CEP128: variants seen among roughly 807,000 people sequenced by gnomAD.
CEP128 encodes centrosomal protein 128kDa.
In CEP128, 132 loss-of-function variants were observed where a neutral mutation model predicts 156.7. The ratio of observed to expected loss-of-function variants is 0.84; its 90% CI spans 0.73 to 0.97. CEP128 has a LOEUF of 0.97. Ranked by LOEUF, CEP128 falls within the 50% of genes least tolerant of loss-of-function variation. The probability of loss-of-function intolerance (pLI) is 0.00; values close to 1 mark genes in which losing one functional copy is unlikely to be tolerated. For missense variants in CEP128, 1,252 were observed against 1,281.9 expected (o/e 0.98, Z 0.36); for synonymous variants, 469 against 448.9 (o/e 1.04, Z -0.57).
chr14:80,609,906 T>C (rs1892929941), intron 19 of CEP128, among the ~76,000 whole-genome samples: 1 of 152,070 alleles, frequency 6.6e-6, no homozygotes, highest in Admixed American at 6.5e-5. Flanking sequence ...AAAAACATTC[T>C]TCACTCTCCA....
At chr14:80,768,745 C>G (rs544502397) in intron 16 of CEP128, among the ~76,000 whole-genome samples, 1 of 152,248 alleles carries the variant, frequency 6.6e-6, no homozygotes, top group South Asian at 2.1e-4. Flanking sequence ...AGTTTGTTTC[C>G]ATAAACCAGA....
intron 8 of CEP128, among the ~76,000 whole-genome samples, chr14:80,871,303 CAA>C (rs1399170669): frequency 6.6e-6 from 1 of 151,974 alleles, no homozygotes; most frequent in African/African-American, 2.4e-5. Context: ...GCAGAGGGAC[CAA>C]CTTCATTGGA....
At chr14:80,511,136 G>A (rs1225676789) in intron 23 of CEP128, among the ~76,000 whole-genome samples, 1 of 151,456 alleles carries the variant, frequency 6.6e-6, no homozygotes, top group East Asian at 1.9e-4. Context: ...ATGAGTTTGG[G>A]AGTATTCCCT....
intron 19 of CEP128, among the ~76,000 whole-genome samples, chr14:80,652,795 T>C (rs1264500025): frequency 6.6e-6 from 1 of 152,176 alleles, no homozygotes; most frequent in Non-Finnish European, 1.5e-5. Context: ...TCCTCAAGGA[T>C]CTAGAATTAG....
chr14:80,557,592 TA>T (rs1368632325), intron 21 of CEP128, among the ~76,000 whole-genome samples: 3 of 152,198 alleles, frequency 2.0e-5, no homozygotes, highest in Non-Finnish European at 4.4e-5. Flanking sequence ...GGAAGAACAC[TA>T]AACATTTTAT....
At chr14:80,494,898 T>C (rs1049580726), downstream of CEP128, among the ~76,000 whole-genome samples, 9 of 152,152 alleles carry the variant, frequency 5.9e-5, no homozygotes, top group African/African-American at 2.2e-4. Flanking sequence ...CCAACTGGTT[T>C]TCAACCTTCC....
chr14:80,956,545 T>C (rs1183873213), intron 2 of CEP128, among the ~76,000 whole-genome samples: 2 of 152,214 alleles, frequency 1.3e-5, no homozygotes, highest in Admixed American at 1.3e-4. Context: ...CACAACCTGT[T>C]TCTTAACAGC....
At chr14:80,596,041 C>T (rs886410165) in intron 19 of CEP128, among the ~76,000 whole-genome samples, 1 of 130,184 alleles carries the variant, frequency 7.7e-6, no homozygotes, top group South Asian at 2.6e-4. Flanking sequence ...AGAGCCAAAC[C>T]ATATCAGCAG....
At chr14:80,894,470 G>T in intron 8 of CEP128, 3 of 367,732 alleles carry the variant, frequency 8.2e-6, no homozygotes, top group Admixed American at 8.2e-5. Flanking sequence ...TGAAGTATGT[G>T]ATGTTTTAGA....
chr14:80,712,237 T>A (rs942005625), intron 19 of CEP128, among the ~76,000 whole-genome samples: 2 of 152,182 alleles, frequency 1.3e-5, no homozygotes, highest in Non-Finnish European at 2.9e-5. Context: ...AAGAGTTCTG[T>A]ACTGGAGCTT....
chr14:80,489,267 TAAAA>T (rs35135843), downstream of CEP128, among the ~76,000 whole-genome samples: 462 of 107,992 alleles, frequency 4.3e-3, 2 homozygotes, highest in African/African-American at 0.015. Flanking sequence ...TTGTAAAAGC[TAAAA>T]AAAAAAAAAA....
intron 8 of CEP128, among the ~76,000 whole-genome samples, chr14:80,891,585 CAAAAAAA>C (rs34380899): frequency 1.0e-5 from 1 of 97,128 alleles, no homozygotes. Flanking sequence ...TTACTAGGTG[CAAAAAAA>C]AAAAAAAAAA....
intron 19 of CEP128, among the ~76,000 whole-genome samples, chr14:80,657,699 G>C (rs1193495268): frequency 2.0e-5 from 3 of 151,974 alleles, no homozygotes; most frequent in Non-Finnish European, 2.9e-5. Context: ...TAAAGAAGTA[G>C]CTGTATTTAG....
intron 8 of CEP128, among the ~76,000 whole-genome samples, chr14:80,889,590 C>G (rs11660318): frequency 9.2e-5 from 14 of 152,164 alleles, no homozygotes; most frequent in Admixed American, 7.9e-4. Context: ...AAAACTAAAA[C>G]TGAACCCCTT....
At chr14:80,653,401 T>C (rs933040247) in intron 19 of CEP128, among the ~76,000 whole-genome samples, 1 of 152,110 alleles carries the variant, frequency 6.6e-6, no homozygotes, top group Non-Finnish European at 1.5e-5. Context: ...GTGGTCTCTA[T>C]AATACAAAAA....
chr14:80,865,311 T>C (rs1015437224), intron 8 of CEP128, among the ~76,000 whole-genome samples: 2 of 152,210 alleles, frequency 1.3e-5, no homozygotes, highest in Non-Finnish European at 2.9e-5. Flanking sequence ...TACGTGTGTA[T>C]GTGTATTTCT....
At chr14:80,782,655 T>A (rs1162122658) in intron 15 of CEP128, among the ~76,000 whole-genome samples, 1 of 152,162 alleles carries the variant, frequency 6.6e-6, no homozygotes, top group Non-Finnish European at 1.5e-5. Flanking sequence ...TCCGAATCCT[T>A]CAGAGGAAAG....
rs368732375 is a variant in CEP128 at position 80,921,960 on chromosome 14, C to G, written c.-15-5398G>C. Among the ~76,000 whole-genome samples the G allele has an allele frequency of 3.6e-3, 520 of 142,598 alleles. 1 individual carries two copies. Among genetic ancestry groups the G allele is most frequent in the African/African-American group, 0.012 (482 of 38,664 alleles). The allele number at this position is 142,598 out of a possible 152,430, so 93.5% of individuals were successfully genotyped here. A position where few individuals can be genotyped will look rare whatever the true frequency, so the allele number is the denominator to read the frequency against. On this transcript the variant is annotated intron_variant, in intron 2 of 24. Transcript: ENST00000555265. ...CTGGGGCGACAACCGAGACTCCATC[C>G]CAAAAAAAAAAAAAATTCCTACATT...
At chr14:80,823,684 C>G (rs1183433797) in intron 13 of CEP128, among the ~76,000 whole-genome samples, 1 of 152,080 alleles carries the variant, frequency 6.6e-6, no homozygotes, top group Non-Finnish European at 1.5e-5. Context: ...AAGAGGTGGG[C>G]TCCCACCGCC....
Sources: gnomAD v4.1 joint callset for allele counts (sites outside exome capture counted in the v4.1 genomes callset) on GRCh38, gnomAD v4.1.1 for gene constraint, MANE v1.5 for transcripts, NCBI Gene and HGNC (gene_info 2026-07-23, HGNC 2026-07-21) for gene names.